SDK1: variants seen among roughly 807,000 people sequenced by gnomAD.
SDK1 encodes sidekick cell adhesion molecule 1.
SDK1 carries 157 observed loss-of-function variants against 245.5 expected under a neutral mutation model. The ratio of observed to expected loss-of-function variants is 0.64; its 90% confidence interval spans 0.56 to 0.73. SDK1 has a LOEUF of 0.73. SDK1 is among the 30% of genes least tolerant of loss of function. The pLI is 0.00. For synonymous variants in SDK1, 1,647 were observed against 1,278.5 expected, an observed-to-expected ratio of 1.29 and a Z score of -6.15; for missense variants, 3,583 against 3,002.3, an observed-to-expected ratio of 1.19 and a Z score of -4.52.
intron 1 of SDK1, among the ~76,000 whole-genome samples, chr7:3,588,670 G>A (rs963840411): frequency 1.3e-5 from 2 of 152,214 alleles, no homozygotes; most frequent in African/African-American, 4.8e-5. Context: ...GCACCTCACT[G>A]ATGGAATTAT....
intron 32 of SDK1, among the ~76,000 whole-genome samples, chr7:4,167,042 A>G (rs932477657): frequency 9.2e-5 from 14 of 152,012 alleles, no homozygotes; most frequent in Non-Finnish European, 1.9e-4. Flanking sequence ...CAGACCATTG[A>G]CTTCTTCCTG....
chr7:3,416,465 T>TC, intron 1 of SDK1, among the ~76,000 whole-genome samples: 1 of 49,000 alleles, frequency 2.0e-5, no homozygotes. Context: ...CTTTCGTTCT[T>TC]TTTTTTTTTT....
chr7:3,528,255 G>T lies in SDK1; in HGVS notation c.299-90825G>T, dbSNP rs111842419. Among the ~76,000 whole-genome samples the T allele has an allele frequency of 4.1e-5, 6 of 147,680 alleles. 1 individual carries two copies. Among genetic ancestry groups the T allele is most frequent in the South Asian group, 2.2e-4 (1 of 4,500 alleles). ...GTAATGTTGGATGATATTCAGCTAG[G>T]GGGTGAGTGGTAGGAGGTGAGGTTG... On this transcript the variant is annotated intron_variant, in intron 1 of 44. Coordinates refer to ENST00000404826, the MANE Select transcript of SDK1 (RefSeq NM_152744.4).
chr7:3,938,774 C>T (rs1197984760), intron 5 of SDK1, among the ~76,000 whole-genome samples: 3 of 152,160 alleles, frequency 2.0e-5, no homozygotes, highest in Non-Finnish European at 2.9e-5. Flanking sequence ...ACCTGTTTTA[C>T]GGTTTATCAA....
rs571576301 is a variant in SDK1, at chr7:4,135,413, C to A, written c.4228+2990C>A. On this transcript the variant is annotated intron_variant, in intron 28 of 44. Transcript: ENST00000404826. The stretch of plus-strand genomic sequence containing the variant: ...TCCAGGCCTTCGCCCTAGAGAAATT[C>A]TTGCCTGTGTGCACAAGGAGAAACG... Among the ~76,000 whole-genome samples the A allele has an allele frequency of 7.9e-5, 12 of 152,350 alleles. No homozygotes were observed. The East Asian group carries it at 2.3e-3, about 29-fold the overall frequency.
At chr7:4,050,747 G>GA in intron 18 of SDK1, among the ~76,000 whole-genome samples, 1 of 151,498 alleles carries the variant, frequency 6.6e-6, no homozygotes. Context: ...TGTCTTTTTT[G>GA]AGACAGAGTA....
chr7:3,581,999 G>A (rs547449727), intron 1 of SDK1, among the ~76,000 whole-genome samples: 1 of 152,328 alleles, frequency 6.6e-6, no homozygotes, highest in South Asian at 2.1e-4. Flanking sequence ...GAGGGTGGAA[G>A]CCTCCCTCAG....
At chr7:4,226,540 C>T (rs1463593635) in intron 40 of SDK1, among the ~76,000 whole-genome samples, 1 of 152,232 alleles carries the variant, frequency 6.6e-6, no homozygotes, top group Non-Finnish European at 1.5e-5. Context: ...CAGAACTGAG[C>T]AGCAGCTAAT....
chr7:3,622,179 T>C (rs763450650), intron 2 of SDK1, among the ~76,000 whole-genome samples: 3 of 152,120 alleles, frequency 2.0e-5, no homozygotes, highest in South Asian at 4.1e-4. Context: ...AGCATTTCAA[T>C]TTAAAACAAT....
chr7:3,336,365 C>G (rs73046702), intron 1 of SDK1, among the ~76,000 whole-genome samples: 22,212 of 152,194 alleles, frequency 0.15, 2,518 homozygotes, highest in African/African-American at 0.32. Context: ...ATCTTCCACC[C>G]TCTGCCTGGT....
chr7:3,949,428 G>A (rs1003916877), intron 5 of SDK1, among the ~76,000 whole-genome samples: 1 of 152,184 alleles, frequency 6.6e-6, no homozygotes, highest in Non-Finnish European at 1.5e-5. Context: ...TCTCTTTCCC[G>A]TTGTTCTCTC....
At chr7:3,694,410 G>T (rs1429172437) in intron 4 of SDK1, among the ~76,000 whole-genome samples, 1 of 152,140 alleles carries the variant, frequency 6.6e-6, no homozygotes, top group Non-Finnish European at 1.5e-5. Context: ...TGAATCAGAG[G>T]GTGGCCACGC....
At chr7:3,774,822 A>G (rs1464677149) in intron 4 of SDK1, among the ~76,000 whole-genome samples, 1 of 152,222 alleles carries the variant, frequency 6.6e-6, no homozygotes, top group East Asian at 1.9e-4. Context: ...TGGTATTATT[A>G]TCCAGACAAC....
At chr7:3,307,447 C>T (rs76659304) in intron 1 of SDK1, among the ~76,000 whole-genome samples, 2,334 of 152,252 alleles carry the variant, frequency 0.015, 52 homozygotes, top group African/African-American at 0.047. Flanking sequence ...GAGATCTGTT[C>T]TGGAGAGGTT....
intron 5 of SDK1, among the ~76,000 whole-genome samples, chr7:3,829,518 A>T (rs1383750985): frequency 6.6e-6 from 1 of 152,204 alleles, no homozygotes; most frequent in Non-Finnish European, 1.5e-5. Context: ...AGATCACAAG[A>T]ATAGTCAATG....
At chr7:4,227,247 C>T in intron 40 of SDK1, 2 of 395,560 alleles carry the variant, frequency 5.1e-6, no homozygotes, top group Admixed American at 2.9e-5. Context: ...GCCCGGTCCC[C>T]TCATGTGCTG....
Position 4,158,492 on chromosome 7 carries a change from A to G in SDK1, c.4670A>G (p.Asn1557Ser), listed in dbSNP as rs1179671709. 1 of 1,613,732 alleles carries G rather than the reference A, an allele frequency of 6.2e-7. No homozygotes were observed. Among genetic ancestry groups the G allele is most frequent in the Non-Finnish European group, 8.5e-7 (1 of 1,179,988 alleles). Reference protein sequence around the residue: ...TSYKLRLKATNDIGDSDFSSE... With the variant: ...TSYKLRLKATSDIGDSDFSSE... ...TACAAGCTGCGCCTGAAAGCCACCA[A>G]CGACATTGGGGACAGTGACTTCAGT... Residue 1557 changes from asparagine (N) to serine (S), a missense_variant, in exon 31 of 45, where the codon AAC (asparagine) becomes AGC (serine). Physicochemically the swap from Asn to Ser is conservative, Grantham distance 46. Transcript: ENST00000404826.
At chr7:4,068,430 AC>A (rs1780037208) in intron 20 of SDK1, among the ~76,000 whole-genome samples, 1 of 152,068 alleles carries the variant, frequency 6.6e-6, no homozygotes. Context: ...AGGTGGTGTG[AC>A]TATGAGGCTT....
At chr7:3,980,304 G>A (rs1245866952) in intron 13 of SDK1, among the ~76,000 whole-genome samples, 1 of 152,154 alleles carries the variant, frequency 6.6e-6, no homozygotes, top group Admixed American at 6.5e-5. Flanking sequence ...TTCCGTTACT[G>A]TTGTTGTTAA....
Sources: allele counts gnomAD v4.1 joint callset (sites outside exome capture counted in the v4.1 genomes callset), GRCh38; gene constraint gnomAD v4.1.1; transcripts MANE v1.5; gene names NCBI Gene and HGNC (gene_info 2026-07-23, HGNC 2026-07-21).